HDGFL2: variants seen among roughly 807,000 people sequenced by gnomAD.
HDGFL2 encodes HDGF like 2, also known as hepatoma-derived growth factor-related protein 2.
Under a neutral mutation model 77.1 loss-of-function variants are expected in HDGFL2, and 36 were observed. The observed-to-expected ratio is 0.47, with a 90% CI of 0.36 to 0.62. HDGFL2 has a LOEUF of 0.62. HDGFL2 is among the 20% of genes least tolerant of loss of function. The probability of loss-of-function intolerance (pLI) is 0.00; values close to 1 mark genes in which losing one functional copy is unlikely to be tolerated. For missense variants in HDGFL2, 976 were observed against 973.4 expected, an observed-to-expected ratio of 1.00 and a Z score of -0.04; for synonymous variants, 463 against 413.1, an observed-to-expected ratio of 1.12 and a Z score of -1.46.
At chr19:4,484,452 C>T (rs1975307180) in intron 3 of HDGFL2, among the ~76,000 whole-genome samples, 1 of 151,892 alleles carries the variant, frequency 6.6e-6, no homozygotes, top group Non-Finnish European at 1.5e-5. Context: ...GTATACCGTA[C>T]AGTAGCTTCT....
chr19:4,478,197 G>GTTTTTTTTTTT (rs113038095), intron 3 of HDGFL2, among the ~76,000 whole-genome samples: 1 of 140,480 alleles, frequency 7.1e-6, no homozygotes, highest in Non-Finnish European at 1.5e-5. Context: ...GGATGCTGCT[G>GTTTTTTTTTTT]TTTTTTTTTT....
intron 3 of HDGFL2, among the ~76,000 whole-genome samples, chr19:4,478,798 C>T (rs1000184050): frequency 2.0e-5 from 3 of 151,866 alleles, no homozygotes; most frequent in African/African-American, 7.3e-5. Flanking sequence ...TCTTCTTCTG[C>T]CTCAGCCTCC....
At chr19:4,486,118 C>T (rs1975356850) in intron 3 of HDGFL2, among the ~76,000 whole-genome samples, 1 of 150,708 alleles carries the variant, frequency 6.6e-6, no homozygotes, top group Admixed American at 6.6e-5. Flanking sequence ...TAAAAAAAAG[C>T]AGTTATTTAG....
chr19:4,493,947 G>A, intron 7 of HDGFL2, 35 bp from the exon 8 acceptor site: 1 of 1,585,068 alleles, frequency 6.3e-7, no homozygotes, highest in Non-Finnish European at 8.6e-7. Context: ...TGGAGCCCTG[G>A]AAGGGAAGGT....
Position 4,494,154 on chromosome 19 carries a change from C to G in HDGFL2, c.915-12C>G. ...AGGAACGGAGGTCCCCAACCGCCCC[C>G]TCCGCCTCCAGTGACAGCGACGAGG... On this transcript the variant is annotated splice_polypyrimidine_tract_variant and intron_variant, in intron 8 of 15. Coordinates refer to ENST00000616600, the MANE Select transcript of HDGFL2 (RefSeq NM_001001520.3). 1.3e-6 allele frequency: 2 copies of G among 1,491,204 alleles called. No individual in the cohort carries two copies. Among genetic ancestry groups the G allele is most frequent in the Admixed American group, 2.4e-5 (1 of 40,914 alleles). 92.4% of individuals were successfully genotyped at this position (1,491,204 alleles called of 1,614,324 possible).
intron 14 of HDGFL2, among the ~76,000 whole-genome samples, chr19:4,500,452 ATTTTTTTTTT>A (rs67297373): frequency 0.02 from 1,783 of 88,770 alleles, 44 homozygotes; most frequent in African/African-American, 0.085. Flanking sequence ...TGCCCTGCTA[ATTTTTTTTTT>A]TTTTTTTTTT....
rs533999528 is a variant in HDGFL2 at position 4,486,685 on chromosome 19, A to G, written c.289-1991A>G. 2.6e-5 allele frequency among the ~76,000 whole-genome samples: 4 copies of G among 152,120 alleles called. No individual in the cohort carries two copies. The South Asian group carries it at 8.3e-4, about 32-fold the overall frequency. On this transcript the variant is annotated intron_variant, in intron 3 of 15. Transcript: ENST00000616600. ...AAACCCTGTCTCTACTAAAAATACA[A>G]AAAATACACCTGGCGCTCATACATT...
chr19:4,492,480 T>A (rs1375078947), intron 6 of HDGFL2, among the ~76,000 whole-genome samples: 1 of 151,960 alleles, frequency 6.6e-6, no homozygotes, highest in Non-Finnish European at 1.5e-5. Context: ...TGCCTGTGTG[T>A]CCATGTGTGC....
At chr19:4,491,541 A>C (rs750060204) in intron 4 of HDGFL2, 25 bp from the exon 5 acceptor site, 1 of 1,602,372 alleles carries the variant, frequency 6.2e-7, no homozygotes, top group Admixed American at 1.7e-5. Context: ...CCCATCACTG[A>C]GCATTCAGGC....
intron 1 of HDGFL2, 52 bp from the exon 2 acceptor site, chr19:4,475,223 G>T: frequency 6.5e-7 from 1 of 1,530,758 alleles, no homozygotes; most frequent in African/African-American, 1.4e-5. Context: ...ATTTCTCGGT[G>T]ATTTCCTGGG....
chr19:4,491,634 A>G lies in HDGFL2; in HGVS notation c.558A>G (p.Glu186=). Residue 186 remains glutamate (E), a synonymous_variant, in exon 5 of 16, where the codon GAA becomes GAG. Coordinates refer to ENST00000616600, the MANE Select transcript of HDGFL2 (RefSeq NM_001001520.3). The stretch of plus-strand genomic sequence containing the variant: ...ATCAGGCCAGCGTGTCCCCATCCGA[A>G]GAGGAGAACTCGGAAAGCTCATCTG... The part of the protein sequence containing the change: ...DLDQASVSPS[E]EENSESSSES... The G allele has an allele frequency of 6.2e-7, 1 of 1,613,970 alleles. No individual in the cohort carries two copies. Among genetic ancestry groups the G allele is most frequent in the Non-Finnish European group, 8.5e-7 (1 of 1,180,000 alleles).
intron 6 of HDGFL2, among the ~76,000 whole-genome samples, 181 bp from the exon 7 acceptor site, chr19:4,493,522 C>G (rs888507223): frequency 3.9e-5 from 6 of 152,076 alleles, no homozygotes; most frequent in Non-Finnish European, 7.4e-5. Context: ...CGCCTGGGAT[C>G]CCGGTTTTCA....
At chr19:4,488,522 T>C (rs1029674304) in intron 3 of HDGFL2, among the ~76,000 whole-genome samples, 154 bp from the exon 4 acceptor site, 1 of 152,218 alleles carries the variant, frequency 6.6e-6, no homozygotes, top group Admixed American at 6.5e-5. Flanking sequence ...CTTCGGCTCT[T>C]CTGGGCCTCG....
intron 13 of HDGFL2, 32 bp from the exon 14 acceptor site, chr19:4,499,459 G>A: frequency 6.2e-7 from 1 of 1,600,304 alleles, no homozygotes; most frequent in Middle Eastern, 1.7e-4. Context: ...CGCTGCACTT[G>A]GGTGAGCCAG....
intron 4 of HDGFL2, among the ~76,000 whole-genome samples, chr19:4,490,140 T>G (rs771166270): frequency 6.6e-6 from 1 of 152,142 alleles, no homozygotes; most frequent in Non-Finnish European, 1.5e-5. Flanking sequence ...CAGGCTGGAG[T>G]GCAATGGCAT....
intron 3 of HDGFL2, among the ~76,000 whole-genome samples, chr19:4,483,910 C>T (rs1198215568): frequency 6.6e-6 from 1 of 151,382 alleles, no homozygotes; most frequent in African/African-American, 2.4e-5. Flanking sequence ...CTGCCTCAGC[C>T]TCCTGAGTAG....
chr19:4,473,947 G>A (rs1037584363), intron 1 of HDGFL2, among the ~76,000 whole-genome samples: 5 of 151,994 alleles, frequency 3.3e-5, no homozygotes, highest in African/African-American at 1.2e-4. Flanking sequence ...GGGGACCTTG[G>A]ATGCCCCTTT....
rs1975002901 is a variant in HDGFL2 at position 4,473,740 on chromosome 19, C to T, written c.72+1318C>T. ...CTCTGTTCACGGGGTCACTGGGACT[C>T]GGGGAACTGGACCTTAGAATGAAGT... On this transcript the variant is annotated intron_variant, in intron 1 of 15. Transcript: ENST00000616600. 2.6e-5 allele frequency among the ~76,000 whole-genome samples: 4 copies of T among 151,440 alleles called. No individual in the cohort carries two copies. In the South Asian group the frequency reaches 6.3e-4, roughly 24 times the overall value.
At position 4,498,287 on chromosome 19, in the gene HDGFL2, G is replaced by GCT. The variant is rs767242496; in HGVS notation, c.1403-11_1403-10dup. On this transcript the variant is annotated intron_variant, in intron 11 of 15. Transcript: ENST00000616600. ...GTGGCCCTGCCTGGGCCCACACGGTGCTCTCTCTCCTGGCCCAGAGCCCTC... is the reference window on the plus strand; with the variant it reads ...GTGGCCCTGCCTGGGCCCACACGGTGCTCTCTCTCTCCTGGCCCAGAGCCCTC... 9 of 1,608,176 alleles carry GCT rather than the reference G, an allele frequency of 5.6e-6. No homozygotes were observed. Among genetic ancestry groups the GCT allele is most frequent in the Non-Finnish European group, 6.8e-6 (8 of 1,175,886 alleles).
Sources: gnomAD v4.1 joint callset for allele counts (sites outside exome capture counted in the v4.1 genomes callset) on GRCh38, gnomAD v4.1.1 for gene constraint, MANE v1.5 for transcripts, NCBI Gene and HGNC (gene_info 2026-07-23, HGNC 2026-07-21) for gene names.